Variants in RAB38 observed in about 807,000 individuals in gnomAD.
The protein encoded by RAB38 is RAB38, member RAS oncogene family.
A neutral mutation model predicts 18.4 loss-of-function variants in RAB38; 15 were observed. The ratio of observed to expected loss-of-function variants is 0.82; its 90% confidence interval spans 0.55 to 1.26. The LOEUF (loss-of-function observed/expected upper bound fraction) is 1.26, where lower values mean the gene tolerates loss of function less well. Ranked by LOEUF, RAB38 falls within the 50% of genes most tolerant of loss-of-function variation. The probability of loss-of-function intolerance (pLI) is 0.00; values close to 1 mark genes in which losing one functional copy is unlikely to be tolerated. For missense variants in RAB38, 294 were observed against 267.4 expected (o/e 1.10, Z -0.69); for synonymous variants, 101 against 104.4 (o/e 0.97, Z 0.20).
chr11:87,884,785 A>G, the RAB38 span, among the ~76,000 whole-genome samples: 3 of 151,940 alleles, frequency 2.0e-5, no homozygotes, highest in African/African-American at 4.8e-5. Flanking sequence ...CTTCCATTTT[A>G]TCATGACATT....
At chr11:88,069,649 A>G in the RAB38 span, among the ~76,000 whole-genome samples, 1 of 152,138 alleles carries the variant, frequency 6.6e-6, no homozygotes, top group Admixed American at 6.5e-5. Context: ...GGGGACTTGG[A>G]GAACTTTTAT....
the RAB38 span, among the ~76,000 whole-genome samples, chr11:87,973,553 G>T: frequency 6.7e-6 from 1 of 149,600 alleles, no homozygotes; most frequent in Non-Finnish European, 1.5e-5. Context: ...TGGCAGTCTT[G>T]CTAACCAAAG....
At chr11:87,955,892 C>A in the RAB38 span, among the ~76,000 whole-genome samples, 1 of 144,958 alleles carries the variant, frequency 6.9e-6, no homozygotes, top group African/African-American at 2.6e-5. Context: ...CACACACACA[C>A]ACACACACAC....
chr11:87,973,232 C>T, the RAB38 span, among the ~76,000 whole-genome samples: 1 of 152,006 alleles, frequency 6.6e-6, no homozygotes, highest in Non-Finnish European at 1.5e-5. Flanking sequence ...ATTTATACCT[C>T]CACAGAAGTA....
chr11:88,168,702 A>G (rs922681144), intron 1 of RAB38, among the ~76,000 whole-genome samples: 4 of 152,148 alleles, frequency 2.6e-5, no homozygotes, highest in African/African-American at 9.7e-5. Context: ...TAAAACAAAA[A>G]AAATTAAGTA....
intron 2 of RAB38, among the ~76,000 whole-genome samples, chr11:88,128,623 G>T (rs1441666494): frequency 6.6e-6 from 1 of 152,106 alleles, no homozygotes; most frequent in East Asian, 1.9e-4. Context: ...CTGCCCTCAG[G>T]TTTTTGCAAA....
At chr11:88,078,382 T>C in the RAB38 span, among the ~76,000 whole-genome samples, 1 of 151,988 alleles carries the variant, frequency 6.6e-6, no homozygotes, top group Non-Finnish European at 1.5e-5. Flanking sequence ...TATCACAATA[T>C]CTTATTTTAC....
At chr11:87,916,177 G>A in the RAB38 span, among the ~76,000 whole-genome samples, 2 of 152,102 alleles carry the variant, frequency 1.3e-5, no homozygotes, top group Non-Finnish European at 2.9e-5. Flanking sequence ...TATTGGGAGG[G>A]AATGACTGTA....
chr11:87,829,829 A>G, the RAB38 span, among the ~76,000 whole-genome samples: 24 of 152,188 alleles, frequency 1.6e-4, no homozygotes, highest in African/African-American at 5.8e-4. Flanking sequence ...ATCTCTCCCT[A>G]CTTCTGAAAT....
At chr11:88,167,048 C>T (rs1431492036) in intron 1 of RAB38, 3 of 152,118 alleles carry the variant, frequency 2.0e-5, no homozygotes. Context: ...CATTCCAATG[C>T]AATAGTAAAC....
the RAB38 span, among the ~76,000 whole-genome samples, chr11:87,866,913 C>A: frequency 6.6e-6 from 1 of 151,710 alleles, no homozygotes; most frequent in Non-Finnish European, 1.5e-5. Flanking sequence ...TATGTTTTAC[C>A]AAACACCTTT....
At chr11:87,904,862 G>A in the RAB38 span, among the ~76,000 whole-genome samples, 5 of 151,646 alleles carry the variant, frequency 3.3e-5, no homozygotes, top group African/African-American at 4.8e-5. Context: ...TTTTCTTTGC[G>A]TTTTTACTAC....
chr11:88,057,452 C>G, the RAB38 span, among the ~76,000 whole-genome samples: 1 of 150,756 alleles, frequency 6.6e-6, no homozygotes, highest in South Asian at 2.1e-4. Flanking sequence ...GCCTTACTTT[C>G]ATTAGTCTAT....
the RAB38 span, among the ~76,000 whole-genome samples, chr11:88,103,051 A>G: frequency 6.6e-6 from 1 of 151,986 alleles, no homozygotes; most frequent in Non-Finnish European, 1.5e-5. Flanking sequence ...AGATTTTGAC[A>G]TATATCCTAT....
chr11:88,044,018 A>C, the RAB38 span, among the ~76,000 whole-genome samples: 1 of 151,864 alleles, frequency 6.6e-6, no homozygotes, highest in African/African-American at 2.4e-5. Flanking sequence ...TCTCCTTTTA[A>C]TCTTAGTGCC....
chr11:87,812,425 A>G, the RAB38 span, among the ~76,000 whole-genome samples: 1 of 152,230 alleles, frequency 6.6e-6, no homozygotes, highest in African/African-American at 2.4e-5. Context: ...TAGGAAAAAA[A>G]GTCAACACAT....
chr11:88,166,284 T>A (rs1943242606), intron 1 of RAB38: 1 of 152,148 alleles, frequency 6.6e-6, no homozygotes, highest in Admixed American at 6.6e-5. Flanking sequence ...TATGCCATTA[T>A]CTCCTCTTCT....
intron 2 of RAB38, among the ~76,000 whole-genome samples, chr11:88,142,821 C>T (rs139381016): frequency 9.9e-5 from 15 of 152,264 alleles, no homozygotes; most frequent in South Asian, 6.2e-4. Context: ...AACGGCTAGA[C>T]GAAAAGTATA....
At chr11:88,067,604 T>C in the RAB38 span, among the ~76,000 whole-genome samples, 1 of 152,200 alleles carries the variant, frequency 6.6e-6, no homozygotes, top group Non-Finnish European at 1.5e-5. Context: ...ATGTTATTTT[T>C]TCCCCATTTT....
Sources: allele counts gnomAD v4.1 joint callset (sites outside exome capture counted in the v4.1 genomes callset), GRCh38; gene constraint gnomAD v4.1.1; transcripts MANE v1.5; gene names NCBI Gene and HGNC (gene_info 2026-07-23, HGNC 2026-07-21).